CNTNAP2: variants seen among roughly 807,000 people sequenced by gnomAD.
The protein encoded by CNTNAP2 is contactin-associated protein-like 2.
Under a neutral mutation model 155.2 loss-of-function variants are expected in CNTNAP2, and 98 were observed. That is an observed-to-expected ratio of 0.63 (90% CI 0.54 to 0.75). The LOEUF (loss-of-function observed/expected upper bound fraction) is 0.75, where lower values mean the gene tolerates loss of function less well. CNTNAP2 is among the 30% of genes least tolerant of loss of function. CNTNAP2 has a pLI of 0.00. For synonymous variants in CNTNAP2, 651 were observed against 631.2 expected (o/e 1.03, Z -0.47); for missense variants, 1,727 against 1,688.1 (o/e 1.02, Z -0.40).
intron 13 of CNTNAP2, among the ~76,000 whole-genome samples, chr7:147,760,053 C>T (rs937453242): frequency 6.6e-6 from 1 of 152,040 alleles, no homozygotes; most frequent in Non-Finnish European, 1.5e-5. Context: ...AGAGAAGACA[C>T]GATGGGTTAC....
chr7:146,684,910 G>T (rs2533111), intron 1 of CNTNAP2, among the ~76,000 whole-genome samples: 1 of 152,238 alleles, frequency 6.6e-6, no homozygotes, highest in African/African-American at 2.4e-5. Flanking sequence ...TTGGCTTTCA[G>T]ATGGTGTCAA....
chr7:148,083,229 C>T (rs1015827698), intron 15 of CNTNAP2, among the ~76,000 whole-genome samples: 6 of 152,094 alleles, frequency 3.9e-5, no homozygotes, highest in Admixed American at 6.5e-5. Context: ...CATAGGAAGA[C>T]GCTCAAAAAT....
At chr7:147,431,065 A>G (rs1260813065) in intron 10 of CNTNAP2, among the ~76,000 whole-genome samples, 1 of 147,948 alleles carries the variant, frequency 6.8e-6, no homozygotes, top group Non-Finnish European at 1.5e-5. Flanking sequence ...AAAAAAAAAA[A>G]GATACATGGG....
chr7:146,944,667 A>T (rs1425761737), intron 3 of CNTNAP2, among the ~76,000 whole-genome samples: 1 of 152,118 alleles, frequency 6.6e-6, no homozygotes, highest in Non-Finnish European at 1.5e-5. Context: ...TCACGAGGTC[A>T]TGAGATGGAG....
intron 8 of CNTNAP2, among the ~76,000 whole-genome samples, chr7:147,298,129 A>C (rs1794872306): frequency 6.6e-6 from 1 of 152,134 alleles, no homozygotes; most frequent in Admixed American, 6.6e-5. Context: ...TTCTTGATTG[A>C]AACAAAATGT....
At chr7:146,834,918 T>C (rs911574337) in intron 2 of CNTNAP2, among the ~76,000 whole-genome samples, 2 of 152,104 alleles carry the variant, frequency 1.3e-5, no homozygotes, top group African/African-American at 4.8e-5. Context: ...AGTAATAAAC[T>C]TCCCCGAATT....
chr7:146,457,582 C>A (rs1796576050), intron 1 of CNTNAP2, among the ~76,000 whole-genome samples: 1 of 145,078 alleles, frequency 6.9e-6, no homozygotes, highest in Non-Finnish European at 1.5e-5. Flanking sequence ...TGGCTCACTG[C>A]AACCTCTGCC....
chr7:146,580,114 C>T (rs1225551607), intron 1 of CNTNAP2, among the ~76,000 whole-genome samples: 1 of 152,072 alleles, frequency 6.6e-6, no homozygotes, highest in African/African-American at 2.4e-5. Flanking sequence ...TTTTATTAAA[C>T]CCTAAATAAT....
At chr7:146,272,708 A>ATG (rs1491361144) in intron 1 of CNTNAP2, among the ~76,000 whole-genome samples, 2 of 151,864 alleles carry the variant, frequency 1.3e-5, no homozygotes, top group African/African-American at 2.4e-5. Context: ...ATGTGCCCTC[A>ATG]TGTGTGTGTG....
chr7:146,297,010 T>A (rs2077534158), intron 1 of CNTNAP2, among the ~76,000 whole-genome samples: 2 of 151,990 alleles, frequency 1.3e-5, no homozygotes. Flanking sequence ...TGTTCTAATA[T>A]TAATAGAAAC....
At chr7:147,109,174 C>A (rs1800826124) in intron 5 of CNTNAP2, among the ~76,000 whole-genome samples, 1 of 151,378 alleles carries the variant, frequency 6.6e-6, no homozygotes, top group Non-Finnish European at 1.5e-5. Context: ...AGAGTCGCAG[C>A]AGAACTTCTG....
chr7:148,309,723 T>C (rs1797558316), intron 21 of CNTNAP2, among the ~76,000 whole-genome samples: 1 of 152,018 alleles, frequency 6.6e-6, no homozygotes, highest in Admixed American at 6.5e-5. Context: ...TTCACTTCTT[T>C]TGTGGTGGAA....
chr7:147,453,439 T>G (rs955698669), intron 10 of CNTNAP2, among the ~76,000 whole-genome samples: 13 of 152,186 alleles, frequency 8.5e-5, no homozygotes, highest in Admixed American at 2.6e-4. Flanking sequence ...TGTGATCTCC[T>G]TGAGTCAGGA....
chr7:147,511,257 C>G (rs372216109), intron 11 of CNTNAP2, among the ~76,000 whole-genome samples: 2 of 151,934 alleles, frequency 1.3e-5, no homozygotes, highest in African/African-American at 4.8e-5. Context: ...TCGTGAATAC[C>G]GACCTTTCAC....
chr7:146,759,160 G>T (rs116030730), intron 1 of CNTNAP2, among the ~76,000 whole-genome samples: 5,115 of 151,990 alleles, frequency 0.034, 225 homozygotes, highest in African/African-American at 0.11. Flanking sequence ...TATATGTCAA[G>T]GCAAGCAACT....
intron 3 of CNTNAP2, among the ~76,000 whole-genome samples, chr7:146,966,015 G>A (rs1014822877): frequency 6.6e-6 from 1 of 152,220 alleles, no homozygotes; most frequent in Non-Finnish European, 1.5e-5. Context: ...AAGTGGAAGT[G>A]GATGTCACCT....
rs926218053 is a variant in CNTNAP2 at position 148,207,338 on chromosome 7, T to C, written c.3011-9950T>C. ...GGAACAGCCCGCCTCTTAGGCTGGC[T>C]GGAGCCACGTGGAGTACGCGAAGGA... On this transcript the variant is annotated intron_variant, in intron 18 of 23. Coordinates refer to ENST00000361727, the MANE Select transcript of CNTNAP2 (RefSeq NM_014141.6). 9.2e-5 allele frequency among the ~76,000 whole-genome samples: 14 copies of C among 152,208 alleles called. No homozygotes were observed. The East Asian group carries it at 1.2e-3, about 13-fold the overall frequency.
intron 15 of CNTNAP2, among the ~76,000 whole-genome samples, chr7:147,997,471 C>T (rs1164360213): frequency 2.0e-5 from 3 of 151,476 alleles, no homozygotes; most frequent in Non-Finnish European, 2.9e-5. Flanking sequence ...GCAGGAGAAT[C>T]GCTTGAACCG....
At chr7:148,413,447 T>TA (rs1563079560) in intron 23 of CNTNAP2, among the ~76,000 whole-genome samples, 5 of 116,140 alleles carry the variant, frequency 4.3e-5, no homozygotes, top group African/African-American at 1.4e-4. Context: ...TATATATATA[T>TA]TGCTCCATAG....
Sources: allele counts gnomAD v4.1 joint callset (sites outside exome capture counted in the v4.1 genomes callset), GRCh38; gene constraint gnomAD v4.1.1; transcripts MANE v1.5; gene names NCBI Gene and HGNC (gene_info 2026-07-23, HGNC 2026-07-21).